The following ROBO1 variants were observed in gnomAD, a reference collection of about 807,000 sequenced individuals.
ROBO1 encodes the protein roundabout guidance receptor 1, also known as roundabout homolog 1.
ROBO1 carries 149 observed loss-of-function variants against 195.9 expected under a neutral mutation model. The observed-to-expected ratio is 0.76, with a 90% confidence interval of 0.67 to 0.87. The LOEUF (loss-of-function observed/expected upper bound fraction) is 0.87. ROBO1 is among the 40% of genes least tolerant of loss of function. The probability of loss-of-function intolerance (pLI) is 0.00; values close to 1 mark genes in which losing one functional copy is unlikely to be tolerated. For synonymous variants in ROBO1, 816 were observed against 733.2 expected (o/e 1.11, Z -1.82); for missense variants, 1,933 against 2,068.3 (o/e 0.93, Z 1.27).
At chr3:79,581,747 T>C (rs556918510) in intron 2 of ROBO1, among the ~76,000 whole-genome samples, 21 of 152,046 alleles carry the variant, frequency 1.4e-4, no homozygotes, top group Non-Finnish European at 2.8e-4. Flanking sequence ...CACACAGATA[T>C]GTATATATTT....
intron 8 of ROBO1, among the ~76,000 whole-genome samples, chr3:78,711,652 A>AT (rs146439600): frequency 2.0e-5 from 3 of 147,696 alleles, no homozygotes; most frequent in East Asian, 2.0e-4. Flanking sequence ...CGCCCAGCTA[A>AT]TTTTTTTTGT....
At chr3:78,851,188 A>T (rs1397629048) in intron 4 of ROBO1, among the ~76,000 whole-genome samples, 1 of 152,120 alleles carries the variant, frequency 6.6e-6, no homozygotes, top group Non-Finnish European at 1.5e-5. Context: ...TAAGGTAGAA[A>T]ACACAATTGC....
At chr3:79,732,908 A>G (rs1703213956) in intron 1 of ROBO1, among the ~76,000 whole-genome samples, 1 of 152,046 alleles carries the variant, frequency 6.6e-6, no homozygotes, top group Non-Finnish European at 1.5e-5. Context: ...GAAGACTCCC[A>G]ATCCCTTTCT....
chr3:78,678,163 A>G (rs1290348598), intron 10 of ROBO1, among the ~76,000 whole-genome samples: 14 of 152,140 alleles, frequency 9.2e-5, no homozygotes, highest in African/African-American at 3.1e-4. Flanking sequence ...TCTCTGGGAC[A>G]CATTCAAAGC....
intron 4 of ROBO1, among the ~76,000 whole-genome samples, chr3:78,884,807 T>C (rs895081998): frequency 1.3e-5 from 2 of 151,478 alleles, no homozygotes; most frequent in Admixed American, 6.6e-5. Context: ...TATTCCTGGA[T>C]TGAGATAATA....
At chr3:79,723,585 C>T (rs1702790057) in intron 1 of ROBO1, among the ~76,000 whole-genome samples, 1 of 152,066 alleles carries the variant, frequency 6.6e-6, no homozygotes, top group Non-Finnish European at 1.5e-5. Context: ...TATGATTTAA[C>T]TCTTTATGGA....
At chr3:79,054,602 T>C (rs1386873182) in intron 3 of ROBO1, among the ~76,000 whole-genome samples, 3 of 152,148 alleles carry the variant, frequency 2.0e-5, no homozygotes, top group Non-Finnish European at 2.9e-5. Flanking sequence ...ATTCTTTTCT[T>C]GGAGCCTGCT....
chr3:79,604,252 A>G (rs964433186), intron 1 of ROBO1, among the ~76,000 whole-genome samples: 3 of 152,142 alleles, frequency 2.0e-5, no homozygotes, highest in Non-Finnish European at 4.4e-5. Context: ...AAAAGTAGCT[A>G]TGGGATCTAG....
Position 79,347,621 on chromosome 3 carries a change from A to G in ROBO1, c.89-222082T>C, listed in dbSNP as rs1394011449. On this transcript the variant is annotated intron_variant, in intron 2 of 30. Coordinates refer to ENST00000464233, the MANE Select transcript of ROBO1 (RefSeq NM_002941.4). ...ATTTCAATATTTTCAACTACAGACA[A>G]TAAGTGTCAATGCAATAGTATTGGC... Among the ~76,000 whole-genome samples the G allele has an allele frequency of 1.3e-5, 2 of 152,210 alleles. 1 individual carries two copies. The highest frequency in any genetic ancestry group is 3.9e-4 in the East Asian group (2 of 5,190).
chr3:79,241,201 G>T (rs1012177315), intron 2 of ROBO1, among the ~76,000 whole-genome samples: 1 of 151,908 alleles, frequency 6.6e-6, no homozygotes, highest in Non-Finnish European at 1.5e-5. Context: ...AAACGTTTTC[G>T]AAAGACTATG....
At chr3:78,844,904 C>A (rs2033547967) in intron 4 of ROBO1, among the ~76,000 whole-genome samples, 1 of 151,926 alleles carries the variant, frequency 6.6e-6, no homozygotes, top group Admixed American at 6.6e-5. Flanking sequence ...TTAAGTGCAC[C>A]ACCAAATAAG....
At chr3:79,657,227 A>G (rs951363470) in intron 1 of ROBO1, among the ~76,000 whole-genome samples, 4 of 152,146 alleles carry the variant, frequency 2.6e-5, no homozygotes, top group Non-Finnish European at 4.4e-5. Context: ...CCTTTGCCAA[A>G]TACTAATATA....
intron 5 of ROBO1, among the ~76,000 whole-genome samples, chr3:78,741,632 T>A (rs1041626964): frequency 2.6e-5 from 4 of 152,142 alleles, no homozygotes; most frequent in Admixed American, 6.5e-5. Flanking sequence ...GTGAAATTTT[T>A]AAAAATCGCT....
intron 5 of ROBO1, among the ~76,000 whole-genome samples, chr3:78,739,302 C>G (rs1362692243): frequency 6.6e-6 from 1 of 152,176 alleles, no homozygotes; most frequent in South Asian, 2.1e-4. Flanking sequence ...TATATCTATA[C>G]AAAATTCCCC....
chr3:79,292,241 T>C (rs1022394755), intron 2 of ROBO1, among the ~76,000 whole-genome samples: 1 of 152,240 alleles, frequency 6.6e-6, no homozygotes, highest in Non-Finnish European at 1.5e-5. Flanking sequence ...CCTGAGACTT[T>C]GCTGAAGTTG....
intron 3 of ROBO1, among the ~76,000 whole-genome samples, chr3:78,983,684 T>A (rs2077045913): frequency 6.6e-6 from 1 of 152,162 alleles, no homozygotes; most frequent in South Asian, 2.1e-4. Flanking sequence ...CAAAAATCTT[T>A]AACATAAAGG....
At chr3:79,300,302 C>T (rs1319494860) in intron 2 of ROBO1, among the ~76,000 whole-genome samples, 2 of 152,366 alleles carry the variant, frequency 1.3e-5, no homozygotes, top group Non-Finnish European at 2.9e-5. Context: ...TTGGCGGGTC[C>T]TGCACTTGGA....
intron 2 of ROBO1, among the ~76,000 whole-genome samples, chr3:79,168,602 T>A (rs2081111576): frequency 6.6e-6 from 1 of 152,168 alleles, no homozygotes; most frequent in South Asian, 2.1e-4. Flanking sequence ...TTTGTAGAAG[T>A]CTCTCTCTAA....
intron 2 of ROBO1, among the ~76,000 whole-genome samples, chr3:79,340,774 C>T (rs2034876119): frequency 6.6e-6 from 1 of 152,114 alleles, no homozygotes; most frequent in South Asian, 2.1e-4. Context: ...ATAAAATCTG[C>T]AGAGTGCTAA....
Sources: allele counts gnomAD v4.1 joint callset (sites outside exome capture counted in the v4.1 genomes callset), GRCh38; gene constraint gnomAD v4.1.1; transcripts MANE v1.5; gene names NCBI Gene and HGNC (gene_info 2026-07-23, HGNC 2026-07-21).